The following NRG1 variants were observed in gnomAD, a reference collection of about 807,000 sequenced individuals.
NRG1 encodes the protein pro-neuregulin-1, membrane-bound isoform.
In NRG1, 18 loss-of-function variants were observed where a neutral mutation model predicts 63.8. The ratio of observed to expected loss-of-function variants is 0.28; its 90% CI spans 0.19 to 0.42. The LOEUF (loss-of-function observed/expected upper bound fraction) is 0.42. Among genes scored for constraint, NRG1 ranks in the 10% least tolerant of loss-of-function variants. The pLI, the probability that NRG1 is intolerant of heterozygous loss-of-function variation, is 1.00. For missense variants in NRG1, 762 were observed against 814.7 expected (o/e 0.94, Z 0.79); for synonymous variants, 302 against 301.3 (o/e 1.00, Z -0.02).
intron 1 of NRG1, among the ~76,000 whole-genome samples, chr8:32,358,183 G>A (rs1179054231): frequency 1.3e-5 from 2 of 152,042 alleles, no homozygotes; most frequent in Admixed American, 1.3e-4. Flanking sequence ...GGACTATGAG[G>A]TAACCTTGGG....
chr8:32,559,454 T>C (rs539801338), intron 1 of NRG1, among the ~76,000 whole-genome samples: 12 of 152,174 alleles, frequency 7.9e-5, no homozygotes, highest in Non-Finnish European at 1.8e-4. Flanking sequence ...ATTCTTTTTC[T>C]GGTCACTCTA....
chr8:31,812,690 TCTC>T (rs1418907374), intron 1 of NRG1, among the ~76,000 whole-genome samples: 2 of 149,390 alleles, frequency 1.3e-5, no homozygotes, highest in African/African-American at 4.9e-5. Flanking sequence ...GCTCCTCTCT[TCTC>T]CTCTTTCTTT....
At chr8:32,223,924 G>T (rs1452659451) in intron 1 of NRG1, among the ~76,000 whole-genome samples, 1 of 152,074 alleles carries the variant, frequency 6.6e-6, no homozygotes, top group Non-Finnish European at 1.5e-5. Flanking sequence ...AGAGAGAGAG[G>T]TGAGATGTAG....
chr8:31,928,795 T>G (rs1834628766), intron 1 of NRG1, among the ~76,000 whole-genome samples: 1 of 152,178 alleles, frequency 6.6e-6, no homozygotes, highest in Admixed American at 6.5e-5. Context: ...TAACACATGT[T>G]CTTACTTATG....
intron 1 of NRG1, among the ~76,000 whole-genome samples, chr8:32,555,763 G>C (rs574873454): frequency 1.1e-3 from 170 of 152,340 alleles, no homozygotes; most frequent in African/African-American, 3.8e-3. Flanking sequence ...GAGCCACCGC[G>C]CCCGGCGGGG....
chr8:31,648,526 A>G (rs1804528114), intron 1 of NRG1, among the ~76,000 whole-genome samples: 3 of 152,180 alleles, frequency 2.0e-5, no homozygotes, highest in Admixed American at 2.0e-4. Flanking sequence ...TTGACCTTGT[A>G]AAACCAAGAC....
At chr8:32,041,421 G>A (rs1820017154) in intron 1 of NRG1, among the ~76,000 whole-genome samples, 1 of 152,164 alleles carries the variant, frequency 6.6e-6, no homozygotes, top group African/African-American at 2.4e-5. Context: ...ATATTTTCAA[G>A]GACTCTGAAA....
chr8:32,722,414 A>C (rs2129004560), intron 5 of NRG1, among the ~76,000 whole-genome samples: 1 of 152,330 alleles, frequency 6.6e-6, no homozygotes, highest in South Asian at 2.1e-4. Flanking sequence ...GCCATCCTTT[A>C]CAGTATTATT....
At chr8:32,696,046 C>G (rs1337000941) in intron 5 of NRG1, among the ~76,000 whole-genome samples, 1 of 152,142 alleles carries the variant, frequency 6.6e-6, no homozygotes, top group African/African-American at 2.4e-5. Context: ...TGCCAGTTTT[C>G]CATGTCTGCT....
intron 1 of NRG1, among the ~76,000 whole-genome samples, chr8:31,708,283 T>C (rs1811349729): frequency 1.3e-5 from 2 of 152,136 alleles, no homozygotes; most frequent in African/African-American, 4.8e-5. Context: ...AAACCAGAAG[T>C]GATGGCAACC....
At chr8:32,287,228 A>G (rs924273577) in intron 1 of NRG1, 1 of 152,232 alleles carries the variant, frequency 6.6e-6, no homozygotes, top group African/African-American at 2.4e-5. Flanking sequence ...TGAAACCAGC[A>G]TAGCTTCTTG....
intron 1 of NRG1, among the ~76,000 whole-genome samples, chr8:32,111,340 C>T (rs1427668451): frequency 1.3e-5 from 2 of 152,158 alleles, no homozygotes; most frequent in Non-Finnish European, 2.9e-5. Context: ...TGGTCTCAAA[C>T]TCCTGACCTC....
chr8:32,273,181 T>A (rs1275602163), intron 1 of NRG1, among the ~76,000 whole-genome samples: 1 of 152,190 alleles, frequency 6.6e-6, no homozygotes, highest in African/African-American at 2.4e-5. Flanking sequence ...TTGCTATGAG[T>A]TGCATATGTG....
intron 5 of NRG1, among the ~76,000 whole-genome samples, chr8:32,706,264 T>G (rs1042251020): frequency 6.6e-6 from 1 of 152,194 alleles, no homozygotes; most frequent in African/African-American, 2.4e-5. Flanking sequence ...AAATGTTAAT[T>G]ATATTTACAA....
At chr8:32,651,936 C>T (rs1421264224) in intron 5 of NRG1, among the ~76,000 whole-genome samples, 1 of 152,136 alleles carries the variant, frequency 6.6e-6, no homozygotes, top group Non-Finnish European at 1.5e-5. Context: ...ACTGAAAGAT[C>T]TTCTATTGGA....
At chr8:32,162,888 G>A (rs934398725) in intron 1 of NRG1, among the ~76,000 whole-genome samples, 2 of 152,106 alleles carry the variant, frequency 1.3e-5, no homozygotes, top group South Asian at 2.1e-4. Context: ...CATTCCCATC[G>A]AGGGGTGAGG....
chr8:31,931,190 G>A (rs1219120482), intron 1 of NRG1, among the ~76,000 whole-genome samples: 8 of 152,130 alleles, frequency 5.3e-5, no homozygotes, highest in East Asian at 1.9e-4. Context: ...TGAGTACACC[G>A]ACCTCTCACC....
intron 1 of NRG1, among the ~76,000 whole-genome samples, chr8:31,789,433 C>A (rs1820481109): frequency 6.6e-6 from 1 of 152,122 alleles, no homozygotes; most frequent in African/African-American, 2.4e-5. Flanking sequence ...TTTGGGTCAT[C>A]CTGAGTAAGA....
intron 5 of NRG1, among the ~76,000 whole-genome samples, chr8:32,677,326 T>C (rs1415562654): frequency 6.6e-6 from 1 of 152,244 alleles, no homozygotes; most frequent in African/African-American, 2.4e-5. Flanking sequence ...TACAGATGAC[T>C]ATTAAATTAT....
Sources: gnomAD v4.1 joint callset for allele counts (sites outside exome capture counted in the v4.1 genomes callset) on GRCh38, gnomAD v4.1.1 for gene constraint, MANE v1.5 for transcripts, NCBI Gene and HGNC (gene_info 2026-07-23, HGNC 2026-07-21) for gene names.